ZNF518A: variants seen among roughly 807,000 people sequenced by gnomAD.
ZNF518A encodes the protein zinc finger protein 518.
ZNF518A carries 47 observed loss-of-function variants against 102.7 expected under a neutral mutation model. The observed-to-expected ratio is 0.46, with a 90% CI of 0.36 to 0.58. The LOEUF (loss-of-function observed/expected upper bound fraction) is 0.58. Among genes scored for constraint, ZNF518A ranks in the 20% least tolerant of loss-of-function variants. The pLI is 0.00. For synonymous variants in ZNF518A, 652 were observed against 594.6 expected, an observed-to-expected ratio of 1.10 and a Z score of -1.40; for missense variants, 1,793 against 1,699.8, an observed-to-expected ratio of 1.05 and a Z score of -0.96.
chr10:96,170,306 A>G (rs1375986367), intron 1 of ZNF518A, among the ~76,000 whole-genome samples: 1 of 152,208 alleles, frequency 6.6e-6, no homozygotes, highest in African/African-American at 2.4e-5. Context: ...TATTTTAAAC[A>G]TTACCCCTAG....
intron 1 of ZNF518A, among the ~76,000 whole-genome samples, chr10:96,186,597 C>T (rs2083273367): frequency 6.6e-6 from 1 of 152,138 alleles, no homozygotes; most frequent in Admixed American, 6.5e-5. Flanking sequence ...GGGGTTTCAC[C>T]ATGTTGGCCA....
Position 96,159,073 on chromosome 10 carries a change from G to A in ZNF518A, c.2751G>A (p.Met917Ile). 1 of 1,613,194 alleles carries A rather than the reference G, an allele frequency of 6.2e-7. No individual in the cohort carries two copies. The highest frequency in any genetic ancestry group is 1.3e-5 in the African/African-American group (1 of 74,936). Reference protein sequence around the residue: ...ATTQNLGSFYMQSPLLNSEQK... With the variant: ...ATTQNLGSFYIQSPLLNSEQK... Reference sequence around the variant, plus strand: ...CACAAAATTTAGGTTCTTTTTATATGCAGAGTCCACTTTTAAATTCAGAAC... The same window carrying A: ...CACAAAATTTAGGTTCTTTTTATATACAGAGTCCACTTTTAAATTCAGAAC... The change falls in exon 6 of 6, where the codon ATG (methionine) becomes ATA (isoleucine). Residue 917 changes from methionine (M) to isoleucine (I), a missense_variant. Met to Ile is a conservative substitution (Grantham distance 10, BLOSUM62 1). Transcript: ENST00000316045.
intron 1 of ZNF518A, among the ~76,000 whole-genome samples, chr10:96,197,990 T>C (rs2083519148): frequency 6.6e-6 from 1 of 150,780 alleles, no homozygotes; most frequent in Non-Finnish European, 1.5e-5. Flanking sequence ...TTTATTAAAT[T>C]TTTTAATAAA....
chr10:96,183,590 G>A (rs1412809604), intron 1 of ZNF518A, among the ~76,000 whole-genome samples: 2 of 152,180 alleles, frequency 1.3e-5, no homozygotes, highest in African/African-American at 2.4e-5. Context: ...TCATTCAGGA[G>A]CAGGTTGTTC....
intron 1 of ZNF518A, among the ~76,000 whole-genome samples, chr10:96,202,321 T>TG (rs782798126): frequency 1.3e-5 from 2 of 151,658 alleles, no homozygotes; most frequent in East Asian, 1.9e-4. Context: ...AACAGCAGAG[T>TG]GGGGGAGGCC....
chr10:96,191,338 A>G (rs979307733), intron 1 of ZNF518A, among the ~76,000 whole-genome samples: 1 of 145,134 alleles, frequency 6.9e-6, no homozygotes, highest in African/African-American at 2.6e-5. Context: ...TTTAGGTTCT[A>G]TTTGATAGAC....
At chr10:96,199,357 T>TTTTG (rs112983493) in intron 1 of ZNF518A, 6 of 252,602 alleles carry the variant, frequency 2.4e-5, no homozygotes, top group South Asian at 1.7e-4. Flanking sequence ...TCCAGGTATT[T>TTTTG]TTTGTTTGTT....
rs782807809 is a variant in ZNF518A at position 96,157,875 on chromosome 10, C to T, written c.1553C>T (p.Ser518Phe). The T allele has an allele frequency of 1.2e-6, 2 of 1,613,864 alleles. No homozygotes were observed. The highest frequency in any genetic ancestry group is 2.2e-5 in the East Asian group (1 of 44,880). The change falls in exon 6 of 6, where the codon TCT becomes TTT. Residue 518 changes from serine to phenylalanine, a missense_variant. Around this residue, in one of 3 missense-constraint regions of ZNF518A, gnomAD observed 1,741 missense variants for 1,622.6 expected, o/e 1.07. Transcript: ENST00000316045. ...GCAGCTACTCCATTTTCATGTTCAT[C>T]TTCTATACTTTCAGGGAAAGCAAGT... ...MKAATPFSCSSSILSGKASSE... is the reference protein window; with the variant it reads ...MKAATPFSCSFSILSGKASSE...
chr10:96,147,491 G>A (rs1188396108), intron 3 of ZNF518A, among the ~76,000 whole-genome samples: 4 of 152,058 alleles, frequency 2.6e-5, no homozygotes, highest in African/African-American at 9.7e-5. Flanking sequence ...TTTTGCTGGA[G>A]TATATCTTAT....
chr10:96,200,926 C>A lies in ZNF518A; in HGVS notation n.36-2648C>A. 2.0e-6 allele frequency: 3 copies of A among 1,472,820 alleles called. No individual in the cohort carries two copies. The highest frequency in any genetic ancestry group is 2.9e-6 in the Non-Finnish European group (3 of 1,051,522). The allele number at this position is 1,472,820 out of a possible 1,614,324, so 91.2% of individuals were successfully genotyped here. On this transcript the variant is annotated intron_variant and non_coding_transcript_variant, in intron 1 of 2. Coordinates refer to the ZNF518A transcript ENST00000442635. This position sits in a 1 kb window ranked among gnomAD's most constrained non-coding sequence, Gnocchi z 4.3. The stretch of plus-strand genomic sequence containing the variant: ...AAATGTCTTCTTCTCAGAAGACATG[C>A]TCTTTCCTGCAGTTTCCTGGTAACA...
chr10:96,198,996 G>A (rs183040897), intron 1 of ZNF518A, among the ~76,000 whole-genome samples: 126 of 152,352 alleles, frequency 8.3e-4, no homozygotes, highest in Non-Finnish European at 1.5e-3. Flanking sequence ...ACTGCGCCTG[G>A]CTGAGAAAAT....
At chr10:96,197,600 A>G (rs1460927757) in intron 1 of ZNF518A, among the ~76,000 whole-genome samples, 1 of 152,112 alleles carries the variant, frequency 6.6e-6, no homozygotes, top group African/African-American at 2.4e-5. Context: ...GTTGTCTATG[A>G]AAAAAAATGT....
chr10:96,173,472 C>A (rs2083184879), intron 1 of ZNF518A, among the ~76,000 whole-genome samples: 1 of 151,974 alleles, frequency 6.6e-6, no homozygotes, highest in Admixed American at 6.6e-5. Context: ...AACAAAATAC[C>A]ATAGACTGAG....
downstream of ZNF518A, among the ~76,000 whole-genome samples, chr10:96,167,971 G>T (rs956400292): frequency 6.6e-6 from 1 of 152,174 alleles, no homozygotes; most frequent in African/African-American, 2.4e-5. Context: ...CTTAATTTCA[G>T]TAATGAAAAA....
chr10:96,204,707 T>G, downstream of ZNF518A: 1 of 1,147,926 alleles, frequency 8.7e-7, no homozygotes, highest in East Asian at 2.4e-5. Flanking sequence ...GAACCAAATT[T>G]GATCAGAAGT....
intron 1 of ZNF518A, among the ~76,000 whole-genome samples, chr10:96,199,767 C>T (rs1169438089): frequency 6.6e-6 from 1 of 152,132 alleles, no homozygotes; most frequent in East Asian, 1.9e-4. Context: ...CGTCTGTAAT[C>T]CCAGCACTTT....
In ZNF518A at chr10:96,160,851, A is replaced by G. The variant is rs781846282; in HGVS notation, c.*77A>G. The G allele has an allele frequency of 7.2e-7, 1 of 1,385,772 alleles. No individual in the cohort carries two copies. The highest frequency in any genetic ancestry group is 3.2e-5 in the Admixed American group (1 of 31,522). The allele number at this position is 1,385,772 out of a possible 1,614,324, so 85.8% of individuals were successfully genotyped here. A position where few individuals can be genotyped will look rare whatever the true frequency, so the allele number is the denominator to read the frequency against. ...AACGGGTTCAGTTACCATAATGCAG[A>G]CATTTTCTACTTCAGTATAGTACCT... On this transcript the variant is annotated 3_prime_UTR_variant, in exon 6 of 6. Coordinates refer to ENST00000316045, the MANE Select transcript of ZNF518A (RefSeq NM_001330736.2).
At chr10:96,193,249 A>G (rs1344081656) in intron 1 of ZNF518A, among the ~76,000 whole-genome samples, 1 of 152,218 alleles carries the variant, frequency 6.6e-6, no homozygotes, top group South Asian at 2.1e-4. Context: ...TTAAACATTC[A>G]TTCTGCTTGT....
downstream of ZNF518A, among the ~76,000 whole-genome samples, chr10:96,166,982 A>C (rs1337094754): frequency 6.6e-6 from 1 of 152,236 alleles, no homozygotes; most frequent in East Asian, 1.9e-4. Context: ...AGTCAAGCCA[A>C]GTCACTAAAG....
Sources: gnomAD v4.1 joint callset for allele counts (sites outside exome capture counted in the v4.1 genomes callset) on GRCh38, gnomAD v4.1.1 for gene constraint, gnomAD v4.1.1 regional missense constraint, Gnocchi (gnomAD v3.1) non-coding constraint, MANE v1.5 for transcripts, NCBI Gene and HGNC (gene_info 2026-07-23, HGNC 2026-07-21) for gene names.